TEX9: variants seen among roughly 807,000 people sequenced by gnomAD.
TEX9 encodes testis-expressed protein 9.
TEX9 carries 74 observed loss-of-function variants against 59.6 expected under a neutral mutation model. The ratio of observed to expected loss-of-function variants is 1.24; its 90% CI spans 1.03 to 1.51. The LOEUF is 1.51. Ranked by LOEUF, TEX9 falls within the 40% of genes most tolerant of loss-of-function variation. The pLI, the probability that TEX9 is intolerant of heterozygous loss-of-function variation, is 0.00. For missense variants in TEX9, 522 were observed against 447.8 expected, an observed-to-expected ratio of 1.17 and a Z score of -1.49; for synonymous variants, 186 against 152.2, an observed-to-expected ratio of 1.22 and a Z score of -1.64.
chr15:56,443,949 A>T (rs1003247793), intron 12 of TEX9: 1 of 979,740 alleles, frequency 1.0e-6, no homozygotes, highest in East Asian at 2.7e-5. Context: ...AAAACACTAT[A>T]GTTTTTTCAT....
chr15:56,439,865 AG>A (rs1490512562), intron 12 of TEX9, among the ~76,000 whole-genome samples: 2 of 152,076 alleles, frequency 1.3e-5, no homozygotes, highest in Admixed American at 6.6e-5. Flanking sequence ...TGACACAGAA[AG>A]CATGATCCAT....
chr15:56,310,981 C>T (rs1252170593), intron 1 of TEX9, among the ~76,000 whole-genome samples: 1 of 152,132 alleles, frequency 6.6e-6, no homozygotes, highest in Admixed American at 6.5e-5. Context: ...CAGATGACCT[C>T]AGACGAACAC....
chr15:56,282,119 A>G (rs1007389414), intron 1 of TEX9, among the ~76,000 whole-genome samples: 4 of 152,210 alleles, frequency 2.6e-5, no homozygotes, highest in African/African-American at 7.2e-5. Context: ...GAAAGCAACA[A>G]TATGTATTTT....
intron 1 of TEX9, among the ~76,000 whole-genome samples, chr15:56,303,844 G>C (rs1241784545): frequency 6.6e-6 from 1 of 152,086 alleles, no homozygotes; most frequent in Admixed American, 6.5e-5. Flanking sequence ...AAATTCAAAG[G>C]ATCATTAAAG....
chr15:56,286,182 A>C (rs2044948915), intron 1 of TEX9, among the ~76,000 whole-genome samples: 1 of 152,180 alleles, frequency 6.6e-6, no homozygotes, highest in South Asian at 2.1e-4. Flanking sequence ...CAAAAAGCAG[A>C]AATAGTCCAC....
intron 1 of TEX9, among the ~76,000 whole-genome samples, chr15:56,348,755 G>A (rs1272807622): frequency 6.6e-6 from 1 of 151,982 alleles, no homozygotes; most frequent in African/African-American, 2.4e-5. Context: ...TGTTCACTTA[G>A]CTTCTTATTT....
the TEX9 span, among the ~76,000 whole-genome samples, chr15:56,456,128 T>C: frequency 6.6e-6 from 1 of 152,284 alleles, no homozygotes; most frequent in South Asian, 2.1e-4. Context: ...ATTCATTTTT[T>C]ATAAGAGGTC....
At position 56,332,481 on chromosome 15, in the gene TEX9, A is replaced by T. The variant is rs1223875228; in HGVS notation, c.-106-40960A>T. 3.9e-5 allele frequency among the ~76,000 whole-genome samples: 4 copies of T among 103,138 alleles called. No individual in the cohort carries two copies. The South Asian group carries it at 1.2e-3, about 32-fold the overall frequency. 67.7% of individuals were successfully genotyped at this position (103,138 alleles called of 152,430 possible). A position where few individuals can be genotyped will look rare whatever the true frequency, so the allele number is the denominator to read the frequency against. On this transcript the variant is annotated intron_variant, in intron 1 of 5. Transcript: ENST00000560827. Reference sequence around the variant, plus strand: ...CTGGGGACTGTCGTGGGGTGGGGGGAGGGGGGAGGGATAGCATTGGGAGAT... The same window carrying T: ...CTGGGGACTGTCGTGGGGTGGGGGGTGGGGGGAGGGATAGCATTGGGAGAT...
chr15:56,448,948 T>G (rs2050928211), downstream of TEX9, among the ~76,000 whole-genome samples: 2 of 151,796 alleles, frequency 1.3e-5, no homozygotes, highest in African/African-American at 2.4e-5. Flanking sequence ...ACAGATGGAG[T>G]TACACCATGT....
chr15:56,381,261 C>T (rs1489113447), intron 3 of TEX9, among the ~76,000 whole-genome samples: 1 of 152,080 alleles, frequency 6.6e-6, no homozygotes, highest in African/African-American at 2.4e-5. Context: ...TTAATTATGT[C>T]AATCTGTTCG....
chr15:56,439,983 A>C (rs765788776), intron 12 of TEX9, among the ~76,000 whole-genome samples: 1 of 152,108 alleles, frequency 6.6e-6, no homozygotes, highest in African/African-American at 2.4e-5. Context: ...AAAGCTACAG[A>C]CTAGAAGAAA....
intron 1 of TEX9, among the ~76,000 whole-genome samples, chr15:56,248,495 T>C (rs574452001): frequency 3.7e-4 from 56 of 152,348 alleles, no homozygotes; most frequent in African/African-American, 1.3e-3. Context: ...TAAGGATTAG[T>C]GGGATAAAGT....
At chr15:56,326,292 G>A (rs575783744) in intron 1 of TEX9, among the ~76,000 whole-genome samples, 1 of 151,846 alleles carries the variant, frequency 6.6e-6, no homozygotes, top group African/African-American at 2.4e-5. Context: ...TTTTTCTTGC[G>A]TGTATCAGCC....
At chr15:56,286,239 T>TA (rs35386100) in intron 1 of TEX9, among the ~76,000 whole-genome samples, 44,822 of 151,930 alleles carry the variant, frequency 0.3, 7,638 homozygotes, top group Middle Eastern at 0.48. Flanking sequence ...CAGGAAAACT[T>TA]AAAGGGGAAG....
chr15:56,414,956 A>G (rs1369612323), intron 10 of TEX9, among the ~76,000 whole-genome samples: 1 of 151,524 alleles, frequency 6.6e-6, no homozygotes, highest in East Asian at 1.9e-4. Flanking sequence ...GTGGTATTTA[A>G]TTGTGGTTTT....
At chr15:56,355,996 A>G (rs1294963082) in intron 1 of TEX9, among the ~76,000 whole-genome samples, 1 of 152,086 alleles carries the variant, frequency 6.6e-6, no homozygotes, top group East Asian at 1.9e-4. Flanking sequence ...TTGACCTCGC[A>G]TCCTAAAACT....
chr15:56,344,733 C>T (rs1476525800), intron 1 of TEX9, among the ~76,000 whole-genome samples: 1 of 151,936 alleles, frequency 6.6e-6, no homozygotes, highest in Non-Finnish European at 1.5e-5. Context: ...GAAAAAAAAT[C>T]ATTAGGAAAA....
In TEX9 at chr15:56,444,925, T is replaced by C. The variant is rs113349371; in HGVS notation, c.*30-746T>C. Among the ~76,000 whole-genome samples the C allele has an allele frequency of 8.5e-3, 1,286 of 152,146 alleles. 5 individuals are homozygous for C. Among genetic ancestry groups the C allele is most frequent in the Non-Finnish European group, 0.014 (961 of 67,882 alleles). The stretch of plus-strand genomic sequence containing the variant: ...ATACCTGATAAGGATTATTAATAAC[T>C]CCACATTCAAAAAACAATGAATACA... On this transcript the variant is annotated intron_variant, in intron 12 of 12. Coordinates refer to ENST00000352903, the Ensembl canonical transcript of TEX9.
downstream of TEX9, chr15:56,447,093 T>C: frequency 1.7e-6 from 1 of 592,480 alleles, no homozygotes; most frequent in Non-Finnish European, 2.9e-6. Flanking sequence ...ATTCATTATA[T>C]TTAATGGATG....
Sources: gnomAD v4.1 joint callset for allele counts (sites outside exome capture counted in the v4.1 genomes callset) on GRCh38, gnomAD v4.1.1 for gene constraint, MANE v1.5 for transcripts, NCBI Gene and HGNC (gene_info 2026-07-23, HGNC 2026-07-21) for gene names.